Variants in TRANK1 observed in about 807,000 individuals in gnomAD.
TRANK1 encodes TPR and ankyrin repeat-containing protein 1.
Under a neutral mutation model 266.0 loss-of-function variants are expected in TRANK1, and 198 were observed. The ratio of observed to expected loss-of-function variants is 0.74; its 90% CI spans 0.66 to 0.84. TRANK1 has a LOEUF of 0.84. Ranked by LOEUF, TRANK1 falls within the 40% of genes least tolerant of loss-of-function variation. The pLI is 0.00. For synonymous variants in TRANK1, 1,396 were observed against 1,384.1 expected, an observed-to-expected ratio of 1.01 and a Z score of -0.19; for missense variants, 3,326 against 3,634.6, an observed-to-expected ratio of 0.92 and a Z score of 2.18.
chr3:36,852,311 TA>T lies in TRANK1; in HGVS notation c.4583del (p.Leu1528TyrfsTer33). 6.3e-7 allele frequency: 1 copy of T among 1,599,458 alleles called. No individual in the cohort carries two copies. Among genetic ancestry groups the T allele is most frequent in the Non-Finnish European group, 8.5e-7 (1 of 1,175,060 alleles). On this transcript the variant is annotated frameshift_variant, in exon 14 of 24. Coordinates refer to ENST00000645898, the MANE Select transcript of TRANK1 (RefSeq NM_001329998.2). LOFTEE classifies it high-confidence loss of function. ...AAGATTCTGGGAAATAGAACTGAAG[TA>T]AATCCACCACTCCAGATGCCAGATT... is the stretch of plus-strand genomic sequence containing the variant. ...ILNLASGVVD[L>X]LQFYFPESFD...
chr3:36,847,186 T>C lies in TRANK1; in HGVS notation c.5034+14A>G, dbSNP rs1033199484. Reference sequence around the variant, plus strand: ...CATGTCAAGTACATGTGTTGACAAATGGCAGAAATTCACCTTGTACATTTC... The same window carrying C: ...CATGTCAAGTACATGTGTTGACAAACGGCAGAAATTCACCTTGTACATTTC... On this transcript the variant is annotated intron_variant, in intron 16 of 23. Transcript: ENST00000645898. The C allele has an allele frequency of 2.4e-5, 39 of 1,609,084 alleles. No individual in the cohort carries two copies. The highest frequency in any genetic ancestry group is 2.0e-4 in the African/African-American group (15 of 74,794).
chr3:36,879,661 T>G (rs1030184010), intron 8 of TRANK1, among the ~76,000 whole-genome samples: 1 of 113,680 alleles, frequency 8.8e-6, no homozygotes, highest in Non-Finnish European at 1.6e-5. Flanking sequence ...TATAAATATA[T>G]AAATATATAT....
chr3:36,861,003 G>T lies in TRANK1; in HGVS notation c.1398C>A (p.Cys466Ter). ...TACAGATGTCGAGGTCTGAGAAGTT[G>T]CAGTCTTTGATGAGGCAATCCCCAA... ...PPLGDCLIKD[C>*]NFSDLDICTI... Residue 466 changes from cysteine to a stop codon, truncating the protein, a stop_gained, in exon 11 of 24, where the codon TGC becomes TGA. Transcript: ENST00000645898. LOFTEE classifies it high-confidence loss of function. The T allele has an allele frequency of 6.5e-7, 1 of 1,537,898 alleles. No individual in the cohort carries two copies. The highest frequency in any genetic ancestry group is 1.2e-5 in the South Asian group (1 of 84,062).
chr3:36,892,892 TC>T lies in TRANK1; in HGVS notation c.636+8del, dbSNP rs200227309. On this transcript the variant is annotated splice_region_variant and intron_variant, in intron 6 of 23. Coordinates refer to ENST00000645898, the MANE Select transcript of TRANK1 (RefSeq NM_001329998.2). ...ATATAGATATATATAGATATATATATCACCTTACCTCAAAGAGACTTTTCAG... is the reference window on the plus strand; with the variant it reads ...ATATAGATATATATAGATATATATATACCTTACCTCAAAGAGACTTTTCAG... 1.6e-3 allele frequency: 2,070 copies of T among 1,315,196 alleles called. 34 individuals are homozygous for T. The African/African-American group carries it at 0.029, about 18-fold the overall frequency. 81.5% of individuals were successfully genotyped at this position (1,315,196 alleles called of 1,614,324 possible).
intron 1 of TRANK1, among the ~76,000 whole-genome samples, chr3:36,943,641 T>G (rs73826919): frequency 6.9e-4 from 105 of 151,942 alleles, no homozygotes; most frequent in African/African-American, 2.2e-3. Context: ...AGTACTTTTT[T>G]TTTTTTTCTA....
chr3:36,939,255 T>C (rs1385213789), intron 1 of TRANK1, among the ~76,000 whole-genome samples: 1 of 138,376 alleles, frequency 7.2e-6, no homozygotes, highest in Non-Finnish European at 1.5e-5. Context: ...ATTCCCATTC[T>C]AACATACACA....
intron 2 of TRANK1, among the ~76,000 whole-genome samples, chr3:36,907,390 T>C (rs541565367): frequency 3.9e-5 from 6 of 152,156 alleles, no homozygotes; most frequent in African/African-American, 1.4e-4. Context: ...AGTCAGGTGA[T>C]CTGACCGCCT....
At chr3:36,923,026 G>A (rs1038620751) in intron 1 of TRANK1, among the ~76,000 whole-genome samples, 1 of 152,052 alleles carries the variant, frequency 6.6e-6, no homozygotes, top group African/African-American at 2.4e-5. Flanking sequence ...ATCTTCCATT[G>A]CCCAACTATC....
At chr3:36,866,476 G>T (rs1384162493) in intron 9 of TRANK1, among the ~76,000 whole-genome samples, 1 of 152,162 alleles carries the variant, frequency 6.6e-6, no homozygotes, top group Non-Finnish European at 1.5e-5. Context: ...GCAGAGTAAG[G>T]GTGAGAGGGG....
intron 1 of TRANK1, among the ~76,000 whole-genome samples, chr3:36,913,103 G>T (rs1470433234): frequency 6.6e-6 from 1 of 151,384 alleles, no homozygotes; most frequent in Non-Finnish European, 1.5e-5. Context: ...GTGCAGTGGC[G>T]CAATCTTGGC....
intron 17 of TRANK1, among the ~76,000 whole-genome samples, chr3:36,844,918 C>T (rs541799490): frequency 3.3e-5 from 5 of 152,156 alleles, no homozygotes; most frequent in South Asian, 2.1e-4. Context: ...CTTGAGGAGA[C>T]GACTTGACAA....
chr3:36,885,310 C>T (rs2079587048), intron 8 of TRANK1, among the ~76,000 whole-genome samples: 1 of 152,150 alleles, frequency 6.6e-6, no homozygotes, highest in African/African-American at 2.4e-5. Context: ...AAACACATAA[C>T]TTCATTCCAG....
At chr3:36,880,072 G>GCAAATATATGTAAACATA (rs1559449882) in intron 8 of TRANK1, 1 of 18,828 alleles carries the variant, frequency 5.3e-5, no homozygotes, top group African/African-American at 2.5e-4. Flanking sequence ...ATGTAAACAT[G>GCAAATATATGTAAACATA]CAAATATATA....
intron 18 of TRANK1, 77 bp downstream of exon 18, chr3:36,842,545 C>T (rs2078860858): frequency 8.5e-6 from 11 of 1,297,766 alleles, no homozygotes; most frequent in Non-Finnish European, 1.2e-5. Context: ...TGGTGACAAA[C>T]ACCATGATGT....
chr3:36,895,591 T>C, intron 5 of TRANK1, 49 bp downstream of exon 5: 1 of 1,159,164 alleles, frequency 8.6e-7, no homozygotes. Flanking sequence ...AAAGGAATCA[T>C]TTCATCAAGA....
At chr3:36,868,156 T>G (rs1413728131) in intron 9 of TRANK1, among the ~76,000 whole-genome samples, 4 of 152,262 alleles carry the variant, frequency 2.6e-5, no homozygotes, top group Non-Finnish European at 1.5e-5. Flanking sequence ...TTACTTGTTT[T>G]TATTAACCTT....
intron 1 of TRANK1, among the ~76,000 whole-genome samples, chr3:36,916,856 C>T (rs2080133412): frequency 6.6e-6 from 1 of 151,558 alleles, no homozygotes; most frequent in Non-Finnish European, 1.5e-5. Context: ...TGCTCTGTCC[C>T]CCAGCCTGGA....
At position 36,860,777 on chromosome 3, in the gene TRANK1, T is replaced by C. The variant is rs79081101; in HGVS notation, c.1495+129A>G. The stretch of plus-strand genomic sequence containing the variant: ...CCATCACTGTTTCAAAACAAGAATA[T>C]ACAGGGTAGGCAATGAGGGTGAACT... On this transcript the variant is annotated intron_variant, in intron 11 of 23. Coordinates refer to ENST00000645898, the MANE Select transcript of TRANK1 (RefSeq NM_001329998.2). 66 of 1,337,146 alleles carry C rather than the reference T, an allele frequency of 4.9e-5. No individual in the cohort carries two copies. The African/African-American group carries it at 9.0e-4, about 18-fold the overall frequency. The allele number at this position is 1,337,146 out of a possible 1,614,324, so 82.8% of individuals were successfully genotyped here.
intron 15 of TRANK1, chr3:36,851,105 G>A (rs1204351875): frequency 1.0e-5 from 10 of 985,378 alleles, no homozygotes; most frequent in Non-Finnish European, 1.2e-5. Context: ...AAGGACTCAG[G>A]AGCCAAGTGA....
Sources: gnomAD v4.1 joint callset for allele counts (sites outside exome capture counted in the v4.1 genomes callset) on GRCh38, gnomAD v4.1.1 for gene constraint, MANE v1.5 for transcripts, NCBI Gene and HGNC (gene_info 2026-07-23, HGNC 2026-07-21) for gene names.